The following KATNBL1 variants were observed in gnomAD, a reference collection of about 807,000 sequenced individuals.
KATNBL1 encodes KATNB1-like protein 1.
In KATNBL1, 28 loss-of-function variants were observed where a neutral mutation model predicts 44.7. That is an observed-to-expected ratio of 0.63 (90% CI 0.46 to 0.86). KATNBL1 has a LOEUF of 0.86. Ranked by LOEUF, KATNBL1 falls within the 40% of genes least tolerant of loss-of-function variation. The pLI is 0.00. For missense variants in KATNBL1, 272 were observed against 350.7 expected, an observed-to-expected ratio of 0.78 and a Z score of 1.79; for synonymous variants, 78 against 114.9, an observed-to-expected ratio of 0.68 and a Z score of 2.06.
chr15:34,202,808 C>G (rs751944257), intron 1 of KATNBL1, among the ~76,000 whole-genome samples: 3 of 151,954 alleles, frequency 2.0e-5, no homozygotes, highest in Admixed American at 6.6e-5. Context: ...CTGGCTAATA[C>G]GGTGAAAACC....
chr15:34,167,208 T>A (rs910859178), intron 1 of KATNBL1, among the ~76,000 whole-genome samples: 4 of 152,192 alleles, frequency 2.6e-5, no homozygotes, highest in African/African-American at 9.7e-5. Context: ...GAAAAAAGGT[T>A]AGACAAATGG....
chr15:34,169,564 AG>A (rs1184572724), intron 1 of KATNBL1, among the ~76,000 whole-genome samples: 2 of 152,200 alleles, frequency 1.3e-5, no homozygotes, highest in Non-Finnish European at 2.9e-5. Flanking sequence ...ATAGAAAAAG[AG>A]GGAATCCTCC....
chr15:34,198,681 C>T (rs1050082242), intron 1 of KATNBL1, among the ~76,000 whole-genome samples: 1 of 152,164 alleles, frequency 6.6e-6, no homozygotes, highest in Non-Finnish European at 1.5e-5. Context: ...CAACAAAAAA[C>T]CCATAGTTTA....
At chr15:34,205,956 A>T (rs1305469793) in intron 1 of KATNBL1, among the ~76,000 whole-genome samples, 1 of 152,188 alleles carries the variant, frequency 6.6e-6, no homozygotes, top group African/African-American at 2.4e-5. Flanking sequence ...TAATCACACT[A>T]AGATGTAAAA....
chr15:34,205,086 C>T (rs1057379668), intron 1 of KATNBL1, among the ~76,000 whole-genome samples: 1 of 151,922 alleles, frequency 6.6e-6, no homozygotes, highest in African/African-American at 2.4e-5. Context: ...CTCCGCCTCC[C>T]GGGTTCAAGT....
At chr15:34,183,974 G>A (rs1337833823) in intron 1 of KATNBL1, among the ~76,000 whole-genome samples, 1 of 151,960 alleles carries the variant, frequency 6.6e-6, no homozygotes, top group East Asian at 1.9e-4. Context: ...TTCAAGACTA[G>A]CCTGGCCAAC....
chr15:34,192,061 A>G (rs188166159), intron 1 of KATNBL1, among the ~76,000 whole-genome samples: 104 of 152,196 alleles, frequency 6.8e-4, no homozygotes, highest in African/African-American at 2.4e-3. Context: ...TAATTGCTGA[A>G]GCTGGGTAAT....
chr15:34,186,692 G>A (rs549460331), intron 1 of KATNBL1, among the ~76,000 whole-genome samples: 323 of 152,326 alleles, frequency 2.1e-3, no homozygotes, highest in Non-Finnish European at 3.8e-3. Flanking sequence ...TGTCCCTGCA[G>A]GCTCAGGGGT....
chr15:34,145,552 C>T (rs1888282221), intron 8 of KATNBL1, 61 bp from the exon 9 acceptor site: 2 of 1,259,292 alleles, frequency 1.6e-6, no homozygotes, highest in East Asian at 3.4e-5. Context: ...AAACTTTCAT[C>T]ATAAATATGC....
intron 1 of KATNBL1, chr15:34,209,216 G>A (rs749626887): frequency 1.3e-5 from 2 of 152,146 alleles, no homozygotes; most frequent in Admixed American, 1.3e-4. Context: ...AGGTGGACTA[G>A]TTTCTCATAA....
At chr15:34,193,148 C>T (rs1310628396) in intron 1 of KATNBL1, among the ~76,000 whole-genome samples, 1 of 134,250 alleles carries the variant, frequency 7.4e-6, no homozygotes, top group Non-Finnish European at 1.5e-5. Flanking sequence ...ACCCGGGAGG[C>T]GGAGCTTGCA....
At chr15:34,197,006 C>A (rs1890045482) in intron 1 of KATNBL1, among the ~76,000 whole-genome samples, 1 of 152,158 alleles carries the variant, frequency 6.6e-6, no homozygotes, top group Non-Finnish European at 1.5e-5. Flanking sequence ...GCTGTCTTCA[C>A]TAAATTGGGA....
intron 1 of KATNBL1, among the ~76,000 whole-genome samples, chr15:34,173,163 G>T (rs1485451488): frequency 6.6e-6 from 1 of 150,720 alleles, no homozygotes; most frequent in East Asian, 1.9e-4. Context: ...CAAATAAAAA[G>T]AATTTTAGAA....
At chr15:34,207,640 G>A (rs546657682) in intron 1 of KATNBL1, among the ~76,000 whole-genome samples, 68 of 151,910 alleles carry the variant, frequency 4.5e-4, no homozygotes, top group Admixed American at 9.8e-4. Flanking sequence ...CCAGTTCTGT[G>A]GCTGCACTGA....
intron 4 of KATNBL1, among the ~76,000 whole-genome samples, chr15:34,149,644 C>T (rs938473393): frequency 2.6e-5 from 4 of 152,306 alleles, no homozygotes; most frequent in African/African-American, 9.6e-5. Flanking sequence ...AAGCTGGTCT[C>T]CAACTCCTGA....
At chr15:34,169,262 C>A (rs1002609826) in intron 1 of KATNBL1, among the ~76,000 whole-genome samples, 6 of 152,106 alleles carry the variant, frequency 3.9e-5, no homozygotes, top group African/African-American at 1.4e-4. Flanking sequence ...GGGGATATCA[C>A]CACTGATGCC....
intron 1 of KATNBL1, among the ~76,000 whole-genome samples, chr15:34,175,113 AACACAC>A (rs71119940): frequency 0.16 from 23,450 of 143,558 alleles, 1,896 homozygotes; most frequent in Non-Finnish European, 0.19. Flanking sequence ...TAAAATAAGC[AACACAC>A]ACACACACAC....
At position 34,170,369 on chromosome 15, in the gene KATNBL1, C is replaced by A. The variant is rs540769637; in HGVS notation, c.-14-6679G>T. Among the ~76,000 whole-genome samples the A allele has an allele frequency of 1.9e-4, 29 of 152,226 alleles. No individual in the cohort carries two copies. The South Asian group carries it at 5.4e-3, about 28-fold the overall frequency. On this transcript the variant is annotated intron_variant, in intron 1 of 9. Coordinates refer to ENST00000256544, the MANE Select transcript of KATNBL1 (RefSeq NM_024713.3). ...CAAAGAGAATAAAATACCTAGGAAT[C>A]CAACTTACAAGGGATGTGAAGGACC...
At chr15:34,195,690 C>CAAAAAAAAAAAAA (rs5811824) in intron 1 of KATNBL1, among the ~76,000 whole-genome samples, 4 of 111,420 alleles carry the variant, frequency 3.6e-5, no homozygotes, top group African/African-American at 1.5e-4. Context: ...GACGCCATCT[C>CAAAAAAAAAAAAA]AAAAAAAAAA....
Sources: allele counts gnomAD v4.1 joint callset (sites outside exome capture counted in the v4.1 genomes callset), GRCh38; gene constraint gnomAD v4.1.1; transcripts MANE v1.5; gene names NCBI Gene and HGNC (gene_info 2026-07-23, HGNC 2026-07-21).